Variants in PPP3CA observed in about 807,000 individuals in gnomAD.
The protein encoded by PPP3CA is protein phosphatase 3 catalytic subunit alpha.
PPP3CA carries 14 observed loss-of-function variants against 66.5 expected under a neutral mutation model. The ratio of observed to expected loss-of-function variants is 0.21; its 90% CI spans 0.14 to 0.33. The LOEUF (loss-of-function observed/expected upper bound fraction) is 0.33. Among genes scored for constraint, PPP3CA ranks in the 10% least tolerant of loss-of-function variants. PPP3CA has a pLI of 1.00. For synonymous variants in PPP3CA, 232 were observed against 226.2 expected, an observed-to-expected ratio of 1.03 and a Z score of -0.23; for missense variants, 317 against 639.5, an observed-to-expected ratio of 0.50 and a Z score of 5.44.
At chr4:101,291,094 T>G (rs1728009020) in intron 1 of PPP3CA, among the ~76,000 whole-genome samples, 1 of 152,122 alleles carries the variant, frequency 6.6e-6, no homozygotes, top group Non-Finnish European at 1.5e-5. Flanking sequence ...ATTATTTGAT[T>G]GTCTGCTGCA....
chr4:101,217,952 G>A (rs1725505364), intron 1 of PPP3CA, among the ~76,000 whole-genome samples: 1 of 152,064 alleles, frequency 6.6e-6, no homozygotes, highest in Admixed American at 6.6e-5. Flanking sequence ...GAGGCCCCGA[G>A]TGACGCTCAA....
At chr4:101,065,798 G>C (rs1728655652) in intron 8 of PPP3CA, among the ~76,000 whole-genome samples, 1 of 152,090 alleles carries the variant, frequency 6.6e-6, no homozygotes, top group Non-Finnish European at 1.5e-5. Flanking sequence ...ACGTTTGAGT[G>C]AAACAGGATG....
chr4:101,318,328 A>ATT (rs1287205747), intron 1 of PPP3CA, among the ~76,000 whole-genome samples: 1 of 152,200 alleles, frequency 6.6e-6, no homozygotes, highest in Non-Finnish European at 1.5e-5. Flanking sequence ...CAGCTATTAA[A>ATT]TTCCTTTTAG....
intron 2 of PPP3CA, among the ~76,000 whole-genome samples, chr4:101,130,628 A>G (rs1332239678): frequency 1.3e-5 from 2 of 152,242 alleles, no homozygotes; most frequent in African/African-American, 4.8e-5. Flanking sequence ...TTTTCAACCC[A>G]GAATTTTATA....
At chr4:101,321,302 G>T (rs1456515889) in intron 1 of PPP3CA, among the ~76,000 whole-genome samples, 2 of 152,086 alleles carry the variant, frequency 1.3e-5, no homozygotes, top group African/African-American at 4.8e-5. Flanking sequence ...AAGTCCTCTG[G>T]TATAGCCGAC....
In PPP3CA at chr4:101,025,304, G is replaced by GTTTTTTTT. The variant is rs5860654; in HGVS notation, c.*553_*560dup. The stretch of plus-strand genomic sequence containing the variant: ...GCAACGTTCTTTTTTTTCTTTTTCT[G>GTTTTTTTT]TTTTTTTTTTTTTTTAAGACTGCCT... On this transcript the variant is annotated 3_prime_UTR_variant, in exon 14 of 14. Coordinates refer to ENST00000394854, the MANE Select transcript of PPP3CA (RefSeq NM_000944.5). 1 of 136,510 alleles carries GTTTTTTTT rather than the reference G, an allele frequency of 7.3e-6. No individual in the cohort carries two copies. Among genetic ancestry groups the GTTTTTTTT allele is most frequent in the African/African-American group, 2.7e-5 (1 of 36,564 alleles). The allele number at this position is 136,510 out of a possible 1,614,324, so 8.5% of individuals were successfully genotyped here.
intron 2 of PPP3CA, among the ~76,000 whole-genome samples, chr4:101,125,404 C>T (rs936738445): frequency 6.6e-6 from 1 of 152,136 alleles, no homozygotes; most frequent in Non-Finnish European, 1.5e-5. Context: ...AAAGTTAGAT[C>T]CACCAATTCC....
chr4:101,318,558 T>G (rs1728948856), intron 1 of PPP3CA, among the ~76,000 whole-genome samples: 1 of 152,168 alleles, frequency 6.6e-6, no homozygotes, highest in Non-Finnish European at 1.5e-5. Flanking sequence ...ATTGTTAGAA[T>G]TGTGTATCTG....
At chr4:101,198,907 G>A (rs1323658444) in intron 1 of PPP3CA, among the ~76,000 whole-genome samples, 1 of 152,128 alleles carries the variant, frequency 6.6e-6, no homozygotes, top group Non-Finnish European at 1.5e-5. Flanking sequence ...CAAAGGAAAG[G>A]AAAAAGGCCA....
At position 101,024,366 on chromosome 4, in the gene PPP3CA, G is replaced by C. The variant is rs773209371; in HGVS notation, c.*1499C>G. On this transcript the variant is annotated 3_prime_UTR_variant, in exon 14 of 14. Transcript: ENST00000394854. ...ATTTTATTGAGTAGTAATATAAAATGCTTTTTCTTTTTCATTGTTACAAGT... is the reference window on the plus strand; with the variant it reads ...ATTTTATTGAGTAGTAATATAAAATCCTTTTTCTTTTTCATTGTTACAAGT... 6.6e-6 allele frequency: 1 copy of C among 152,634 alleles called. No homozygotes were observed. Among genetic ancestry groups the C allele is most frequent in the Non-Finnish European group, 1.5e-5 (1 of 68,038 alleles). The allele number at this position is 152,634 out of a possible 1,614,324, so 9.5% of individuals were successfully genotyped here. A position where few individuals can be genotyped will look rare whatever the true frequency, so the allele number is the denominator to read the frequency against.
At chr4:101,062,973 A>T (rs1190771539) in intron 9 of PPP3CA, among the ~76,000 whole-genome samples, 1 of 151,664 alleles carries the variant, frequency 6.6e-6, no homozygotes, top group Non-Finnish European at 1.5e-5. Flanking sequence ...TTAAAGCGTT[A>T]TATTATTCTA....
At chr4:101,044,882 C>T (rs1478632226) in intron 10 of PPP3CA, among the ~76,000 whole-genome samples, 1 of 152,198 alleles carries the variant, frequency 6.6e-6, no homozygotes, top group Non-Finnish European at 1.5e-5. Flanking sequence ...TTCTAAGTGA[C>T]TGTTGCAACG....
At chr4:101,249,259 C>G (rs1726595598) in intron 1 of PPP3CA, among the ~76,000 whole-genome samples, 1 of 151,838 alleles carries the variant, frequency 6.6e-6, no homozygotes, top group African/African-American at 2.4e-5. Flanking sequence ...GATTCCAGGC[C>G]CCCTTTTACA....
chr4:101,154,604 T>C lies in PPP3CA; in HGVS notation c.259+41312A>G, dbSNP rs79096936. 6.4e-3 allele frequency among the ~76,000 whole-genome samples: 971 copies of C among 152,238 alleles called. 15 individuals are homozygous for C. Among genetic ancestry groups the C allele is most frequent in the African/African-American group, 0.022 (931 of 41,530 alleles). On this transcript the variant is annotated intron_variant, in intron 2 of 13. Coordinates refer to ENST00000394854, the MANE Select transcript of PPP3CA (RefSeq NM_000944.5). Reference sequence around the variant, plus strand: ...ACAGAGATAATAGAGAGTCACTGGATTTTAGAAATTGCTGCTTAGACTCTA... The same window carrying C: ...ACAGAGATAATAGAGAGTCACTGGACTTTAGAAATTGCTGCTTAGACTCTA...
At chr4:101,176,510 T>C (rs1289563930) in intron 2 of PPP3CA, among the ~76,000 whole-genome samples, 1 of 152,184 alleles carries the variant, frequency 6.6e-6, no homozygotes, top group Non-Finnish European at 1.5e-5. Context: ...AGTGCCTGAC[T>C]GCTCCAAGCC....
chr4:101,219,879 T>C (rs1399156615), intron 1 of PPP3CA, among the ~76,000 whole-genome samples: 3 of 151,842 alleles, frequency 2.0e-5, no homozygotes, highest in Admixed American at 6.6e-5. Context: ...CACAAATGCA[T>C]AGCTTTATAG....
At chr4:101,085,208 T>C (rs1729611188) in intron 6 of PPP3CA, among the ~76,000 whole-genome samples, 1 of 152,192 alleles carries the variant, frequency 6.6e-6, no homozygotes, top group Non-Finnish European at 1.5e-5. Context: ...TTTTGAGGCC[T>C]TCACTTAAAT....
intron 1 of PPP3CA, among the ~76,000 whole-genome samples, chr4:101,246,138 T>A (rs922115996): frequency 2.6e-5 from 4 of 152,208 alleles, no homozygotes. Context: ...CATAAACTCC[T>A]TAAATAAAGT....
intron 1 of PPP3CA, among the ~76,000 whole-genome samples, chr4:101,297,298 G>A (rs1029510601): frequency 1.1e-4 from 17 of 152,162 alleles, no homozygotes; most frequent in Admixed American, 2.0e-4. Flanking sequence ...TGCCTAGCAC[G>A]TAGTAAGTAT....
Sources: allele counts gnomAD v4.1 joint callset (sites outside exome capture counted in the v4.1 genomes callset), GRCh38; gene constraint gnomAD v4.1.1; transcripts MANE v1.5; gene names NCBI Gene and HGNC (gene_info 2026-07-23, HGNC 2026-07-21).